PDE7B: variants seen among roughly 807,000 people sequenced by gnomAD.
PDE7B encodes phosphodiesterase 7B.
A neutral mutation model predicts 56.2 loss-of-function variants in PDE7B; 29 were observed. The ratio of observed to expected loss-of-function variants is 0.52; its 90% CI spans 0.38 to 0.70. The LOEUF (loss-of-function observed/expected upper bound fraction) is 0.70, where lower values mean the gene tolerates loss of function less well. Among genes scored for constraint, PDE7B ranks in the 30% least tolerant of loss-of-function variants. PDE7B has a pLI of 0.00. For missense variants in PDE7B, 490 were observed against 565.0 expected (o/e 0.87, Z 1.35); for synonymous variants, 197 against 196.9 (o/e 1.00, Z 0.00).
intron 1 of PDE7B, among the ~76,000 whole-genome samples, chr6:135,855,150 G>T (rs1208085184): frequency 6.6e-6 from 1 of 152,126 alleles, no homozygotes; most frequent in Admixed American, 6.5e-5. Context: ...GTTGCGCTGG[G>T]TTATCTCTAA....
intron 2 of PDE7B, among the ~76,000 whole-genome samples, chr6:136,067,196 AATGT>A (rs1776955840): frequency 6.6e-6 from 1 of 152,180 alleles, no homozygotes; most frequent in African/African-American, 2.4e-5. Flanking sequence ...ACACATTGGG[AATGT>A]ATCTTTCTCC....
rs749138768 is a variant in PDE7B, at chr6:136,108,717, T to G, written c.83-14T>G. ...AATGTTTTCAAGCCTTTGTTTGGAT[T>G]TTCTGTTTTCTAGGAGATATACGAC... On this transcript the variant is annotated splice_polypyrimidine_tract_variant and intron_variant, in intron 2 of 12. Coordinates refer to ENST00000308191, the MANE Select transcript of PDE7B (RefSeq NM_018945.4). The G allele has an allele frequency of 3.2e-6, 5 of 1,569,770 alleles. No homozygotes were observed. In the African/African-American group the frequency reaches 5.4e-5, roughly 17 times the overall value.
intron 1 of PDE7B, among the ~76,000 whole-genome samples, chr6:135,910,372 C>T (rs1343072184): frequency 1.3e-5 from 2 of 152,198 alleles, no homozygotes; most frequent in Non-Finnish European, 2.9e-5. Flanking sequence ...CGAGGTTATA[C>T]AAGTAACTAC....
chr6:136,000,348 T>G (rs9483898), intron 2 of PDE7B, among the ~76,000 whole-genome samples: 124,682 of 152,186 alleles, frequency 0.82, 51,462 homozygotes, highest in African/African-American at 0.93. Flanking sequence ...GAATGGTATT[T>G]CTTCGGTTGT....
intron 2 of PDE7B, among the ~76,000 whole-genome samples, chr6:136,057,389 AT>A (rs1201589324): frequency 6.6e-6 from 1 of 152,152 alleles, no homozygotes; most frequent in African/African-American, 2.4e-5. Flanking sequence ...GTATCCTTCT[AT>A]TTTTTAATCA....
intron 2 of PDE7B, among the ~76,000 whole-genome samples, chr6:136,021,129 A>G (rs553077553): frequency 2.0e-5 from 3 of 152,242 alleles, no homozygotes; most frequent in Admixed American, 1.3e-4. Context: ...TAATTTTCCA[A>G]ATTCATAACC....
At chr6:135,881,249 T>C (rs1417884741) in intron 1 of PDE7B, among the ~76,000 whole-genome samples, 8 of 150,802 alleles carry the variant, frequency 5.3e-5, no homozygotes, top group African/African-American at 2.0e-4. Context: ...TGTAATCCCA[T>C]CACTTTGGGA....
chr6:135,920,160 G>A (rs1774045244), intron 1 of PDE7B, among the ~76,000 whole-genome samples: 1 of 151,966 alleles, frequency 6.6e-6, no homozygotes, highest in Admixed American at 6.6e-5. Flanking sequence ...AAGAATATTT[G>A]TCGTGTCATC....
intron 2 of PDE7B, among the ~76,000 whole-genome samples, chr6:136,103,254 G>T (rs957736090): frequency 6.6e-6 from 1 of 152,078 alleles, no homozygotes; most frequent in African/African-American, 2.4e-5. Flanking sequence ...GGGAAATTTG[G>T]GTCTAATCAG....
At chr6:136,012,049 C>T (rs1050346666) in intron 2 of PDE7B, among the ~76,000 whole-genome samples, 3 of 152,090 alleles carry the variant, frequency 2.0e-5, no homozygotes, top group African/African-American at 7.2e-5. Flanking sequence ...TACAAAAAGG[C>T]TCCTGAACAA....
Position 135,960,681 on chromosome 6 carries a change from C to T in PDE7B, c.82+13157C>T, listed in dbSNP as rs1467963522. On this transcript the variant is annotated intron_variant, in intron 2 of 12. Coordinates refer to ENST00000308191, the MANE Select transcript of PDE7B (RefSeq NM_018945.4). ...GCTCAATGAATTTTTACAAAGTTAACGTATCTGTACAAAACCACATGGATG... is the reference window on the plus strand; with the variant it reads ...GCTCAATGAATTTTTACAAAGTTAATGTATCTGTACAAAACCACATGGATG... Among the ~76,000 whole-genome samples the T allele has an allele frequency of 1.8e-4, 28 of 152,142 alleles. 1 individual carries two copies. The highest frequency in any genetic ancestry group is 1.8e-3 in the Admixed American group (28 of 15,272).
intron 1 of PDE7B, among the ~76,000 whole-genome samples, chr6:135,876,283 T>C (rs1412633382): frequency 2.0e-5 from 3 of 152,146 alleles, no homozygotes; most frequent in Non-Finnish European, 2.9e-5. Context: ...CACACACCTG[T>C]GGATCTGAGG....
chr6:136,118,825 G>T (rs1777880510), intron 3 of PDE7B, among the ~76,000 whole-genome samples: 1 of 151,906 alleles, frequency 6.6e-6, no homozygotes, highest in African/African-American at 2.4e-5. Context: ...GGTATTAAAT[G>T]ACTTCAGTAT....
At chr6:135,857,039 TC>T (rs1775045906) in intron 1 of PDE7B, among the ~76,000 whole-genome samples, 1 of 114,524 alleles carries the variant, frequency 8.7e-6, no homozygotes, top group Non-Finnish European at 1.7e-5. Flanking sequence ...CCTCCCTCCC[TC>T]CCTCCCTCCC....
chr6:135,990,994 C>T (rs536204188), intron 2 of PDE7B, among the ~76,000 whole-genome samples: 15 of 152,274 alleles, frequency 9.9e-5, no homozygotes, highest in Admixed American at 7.8e-4. Context: ...GTGGGCAATT[C>T]CTGGAACTGA....
chr6:135,987,295 G>C lies in PDE7B; in HGVS notation c.82+39771G>C, dbSNP rs1775397975. The stretch of plus-strand genomic sequence containing the variant: ...GGGAATGTCTCTGGGTTGACAGCAA[G>C]AATAAGGTGATGCCAGTTCATAGGA... On this transcript the variant is annotated intron_variant, in intron 2 of 12. Transcript: ENST00000308191. Among the ~76,000 whole-genome samples, 4 of 152,126 alleles carry C rather than the reference G, an allele frequency of 2.6e-5. No individual in the cohort carries two copies. The South Asian group carries it at 8.3e-4, about 32-fold the overall frequency.
chr6:135,933,571 A>T (rs1446637113), intron 1 of PDE7B, among the ~76,000 whole-genome samples: 1 of 152,216 alleles, frequency 6.6e-6, no homozygotes, highest in African/African-American at 2.4e-5. Context: ...TTATTTTGAA[A>T]GTTATTTGCT....
intron 1 of PDE7B, among the ~76,000 whole-genome samples, chr6:135,907,028 A>G (rs1776128686): frequency 6.6e-6 from 1 of 152,014 alleles, no homozygotes; most frequent in Non-Finnish European, 1.5e-5. Context: ...TGACATGGCA[A>G]GGTCAGAGGA....
rs1314988051 is a variant in PDE7B at position 136,195,455 on chromosome 6, G to GGAAAAAAAAAAAAAAAAAAAA, written c.*3615_*3616insGAAAAAAAAAAAAAAAAAAAA. ...CATTTTGTATACACATGTGAGGTTT[G>GGAAAAAAAAAAAAAAAAAAAA]AAAAAAAAAAAAAAAAAAAAAAGAA... On this transcript the variant is annotated 3_prime_UTR_variant, in exon 13 of 13. Transcript: ENST00000308191. 1.4e-5 allele frequency: 1 copy of GGAAAAAAAAAAAAAAAAAAAA among 68,968 alleles called. No individual in the cohort carries two copies. Among genetic ancestry groups the GGAAAAAAAAAAAAAAAAAAAA allele is most frequent in the African/African-American group, 4.3e-5 (1 of 23,260 alleles). 4.3% of individuals were successfully genotyped at this position (68,968 alleles called of 1,614,324 possible). A position where few individuals can be genotyped will look rare whatever the true frequency, so the allele number is the denominator to read the frequency against.
Sources: gnomAD v4.1 joint callset for allele counts (sites outside exome capture counted in the v4.1 genomes callset) on GRCh38, gnomAD v4.1.1 for gene constraint, MANE v1.5 for transcripts, NCBI Gene and HGNC (gene_info 2026-07-23, HGNC 2026-07-21) for gene names.